The following CCL26 variants were observed in gnomAD, a reference collection of about 807,000 sequenced individuals.
The protein encoded by CCL26 is C-C motif chemokine 26.
CCL26 carries 10 observed loss-of-function variants against 10.7 expected under a neutral mutation model. The ratio of observed to expected loss-of-function variants is 0.93; its 90% confidence interval spans 0.57 to 1.58. The LOEUF (loss-of-function observed/expected upper bound fraction) is 1.58. Among genes scored for constraint, CCL26 ranks in the 40% most tolerant of loss-of-function variants. The pLI is 0.00. For synonymous variants in CCL26, 43 were observed against 41.4 expected (o/e 1.04, Z -0.15); for missense variants, 116 against 111.0 (o/e 1.05, Z -0.20).
At chr7:75,778,718 C>T (rs1311245229) in intron 1 of CCL26, among the ~76,000 whole-genome samples, 1 of 151,772 alleles carries the variant, frequency 6.6e-6, no homozygotes, top group African/African-American at 2.4e-5. Flanking sequence ...CCTCTGCTTC[C>T]CAGGCTCAAG....
intron 1 of CCL26, among the ~76,000 whole-genome samples, chr7:75,780,056 C>T (rs1283635535): frequency 2.0e-5 from 3 of 150,012 alleles, no homozygotes; most frequent in Non-Finnish European, 3.0e-5. Context: ...ATGTCTCTAC[C>T]CTCTCTTTTC....
At chr7:75,782,995 A>G (rs1302517654) in intron 1 of CCL26, among the ~76,000 whole-genome samples, 1 of 151,618 alleles carries the variant, frequency 6.6e-6, no homozygotes, top group African/African-American at 2.4e-5. Context: ...CAACCCTATC[A>G]TCCTTCTATC....
At chr7:75,776,997 G>A (rs1299476020), upstream of CCL26, among the ~76,000 whole-genome samples, 4 of 152,140 alleles carry the variant, frequency 2.6e-5, no homozygotes, top group East Asian at 3.9e-4. Flanking sequence ...TTGGGGGGCC[G>A]AAGTGGGTGG....
At chr7:75,771,165 G>A (rs1444900864) in intron 2 of CCL26, among the ~76,000 whole-genome samples, 1 of 151,964 alleles carries the variant, frequency 6.6e-6, no homozygotes, top group Non-Finnish European at 1.5e-5. Flanking sequence ...CCTCACTGCA[G>A]CCTTGAACTC....
Position 75,769,669 on chromosome 7 carries a change from T to C in CCL26, c.*24A>G. ...CAGAGCCAAGAGCGGGGTCCAAGCG[T>C]CCTCGGATGAAAATTCAGCTGAGTC... On this transcript the variant is annotated 3_prime_UTR_variant, in exon 3 of 3. Coordinates refer to ENST00000005180, the MANE Select transcript of CCL26 (RefSeq NM_001371938.1). 6.7e-7 allele frequency: 1 copy of C among 1,503,412 alleles called. No homozygotes were observed. The highest frequency in any genetic ancestry group is 1.1e-5 in the South Asian group (1 of 88,800). The allele number at this position is 1,503,412 out of a possible 1,614,324, so 93.1% of individuals were successfully genotyped here.
chr7:75,780,925 C>T (rs535338111), intron 1 of CCL26, among the ~76,000 whole-genome samples: 6 of 152,316 alleles, frequency 3.9e-5, no homozygotes, highest in African/African-American at 7.2e-5. Flanking sequence ...AGCCCTCCCC[C>T]ACCTGCCCAG....
At chr7:75,790,186 T>C (rs111366598), upstream of CCL26, among the ~76,000 whole-genome samples, 2,525 of 45,798 alleles carry the variant, frequency 0.055, 79 homozygotes, top group South Asian at 0.24. Context: ...TTCCTTTCTT[T>C]CTTTCTTTCT....
upstream of CCL26, among the ~76,000 whole-genome samples, chr7:75,774,643 A>G (rs1554528528): frequency 6.6e-6 from 1 of 151,814 alleles, no homozygotes; most frequent in Non-Finnish European, 1.5e-5. Flanking sequence ...ACAGGGTTTC[A>G]CTATGTTGCC....
Position 75,769,726 on chromosome 7 carries a change from G to C in CCL26, c.252C>G (p.Tyr84Ter). Reference sequence around the variant, plus strand: ...GTTTCGGAGTTTTCAGTAAAGAAATGTATTTTTGCACCCATTTTTTCCTTG... The same window carrying C: ...GTTTCGGAGTTTTCAGTAAAGAAATCTATTTTTGCACCCATTTTTTCCTTG... ...THPRKKWVQK[Y>*]ISLLKTPKQL The change falls in exon 3 of 3, where the codon TAC becomes TAG. Residue 84 changes from tyrosine (Y) to a stop codon, truncating the protein, a stop_gained. Transcript: ENST00000005180. LOFTEE classifies it high-confidence loss of function. 1.9e-6 allele frequency: 3 copies of C among 1,612,652 alleles called. No individual in the cohort carries two copies. Among genetic ancestry groups the C allele is most frequent in the Non-Finnish European group, 2.5e-6 (3 of 1,178,654 alleles).
chr7:75,787,737 C>G (rs1803232201), intron 1 of CCL26, among the ~76,000 whole-genome samples: 2 of 136,210 alleles, frequency 1.5e-5, no homozygotes, highest in South Asian at 2.6e-4. Flanking sequence ...CTGTCAAAAA[C>G]AGAGCCCAAA....
intron 1 of CCL26, among the ~76,000 whole-genome samples, chr7:75,778,211 T>G (rs1554528988): frequency 6.6e-6 from 1 of 151,788 alleles, no homozygotes; most frequent in East Asian, 1.9e-4. Context: ...CACTTATCAT[T>G]TGTCCTTTTT....
chr7:75,787,681 C>T (rs1205988001), intron 1 of CCL26, among the ~76,000 whole-genome samples: 3 of 90,114 alleles, frequency 3.3e-5, no homozygotes, highest in Middle Eastern at 6.6e-3. Flanking sequence ...AAAAGACACA[C>T]CCCCCAAGCT....
chr7:75,781,682 C>T (rs1411935098), intron 1 of CCL26, among the ~76,000 whole-genome samples: 2 of 152,168 alleles, frequency 1.3e-5, no homozygotes, highest in Admixed American at 6.6e-5. Context: ...TTGTGAAATT[C>T]CTTTTCCTGG....
chr7:75,770,761 C>T (rs782314377), intron 2 of CCL26, among the ~76,000 whole-genome samples: 7 of 150,368 alleles, frequency 4.7e-5, no homozygotes, highest in South Asian at 2.1e-4. Context: ...CTGCAAACTC[C>T]GCCTCCCGGG....
upstream of CCL26, among the ~76,000 whole-genome samples, chr7:75,773,573 T>C (rs1248799202): frequency 6.6e-6 from 1 of 151,834 alleles, no homozygotes; most frequent in African/African-American, 2.4e-5. Flanking sequence ...ATTATTATTA[T>C]TATTTTGTGT....
At chr7:75,783,103 C>T (rs945630010) in intron 1 of CCL26, among the ~76,000 whole-genome samples, 1 of 152,164 alleles carries the variant, frequency 6.6e-6, no homozygotes, top group Non-Finnish European at 1.5e-5. Context: ...GTGGTTGGAG[C>T]TGAAGACATA....
In CCL26 at chr7:75,786,154, C is replaced by T. The variant is rs111703916; in HGVS notation, c.-79+3563G>A. On this transcript the variant is annotated intron_variant, in intron 1 of 3. Coordinates refer to the CCL26 transcript ENST00000394905. ...ATTGTTCCTGGCCCAGACTTCAATC[C>T]GGCCTCCCACATTATTCCAGATACA... Among the ~76,000 whole-genome samples the T allele has an allele frequency of 7.5e-3, 1,141 of 152,236 alleles. 20 individuals are homozygous for T. The highest frequency in any genetic ancestry group is 0.026 in the African/African-American group (1,075 of 41,530).
intron 1 of CCL26, among the ~76,000 whole-genome samples, chr7:75,778,628 CTTT>C (rs1186207338): frequency 3.9e-5 from 5 of 129,556 alleles, no homozygotes; most frequent in Non-Finnish European, 1.6e-5. Context: ...GTTCTTTGCA[CTTT>C]TTTTTTTTTT....
At position 75,769,741 on chromosome 7, in the gene CCL26, T is replaced by G; in HGVS notation, c.237A>C (p.Lys79Asn). The stretch of plus-strand genomic sequence containing the variant: ...GTAAAGAAATGTATTTTTGCACCCA[T>G]TTTTTCCTTGGATGGGTACAGACTT... Reference protein sequence around the residue: ...GKKVCTHPRKKWVQKYISLLK... With the variant: ...GKKVCTHPRKNWVQKYISLLK... Residue 79 changes from lysine (K) to asparagine (N), a missense_variant, in exon 3 of 3, where the codon AAA becomes AAC. Transcript: ENST00000005180. 1 of 1,612,000 alleles carries G rather than the reference T, an allele frequency of 6.2e-7. No individual in the cohort carries two copies. Among genetic ancestry groups the G allele is most frequent in the Non-Finnish European group, 8.5e-7 (1 of 1,178,066 alleles).
Sources: allele counts gnomAD v4.1 joint callset (sites outside exome capture counted in the v4.1 genomes callset), GRCh38; gene constraint gnomAD v4.1.1; transcripts MANE v1.5; gene names NCBI Gene and HGNC (gene_info 2026-07-23, HGNC 2026-07-21).